The following EIF2B1 variants were observed in gnomAD, a reference collection of about 807,000 sequenced individuals.
EIF2B1 encodes translation initiation factor eIF2B subunit alpha.
In EIF2B1, 30 loss-of-function variants were observed where a neutral mutation model predicts 36.8. The observed-to-expected ratio is 0.81, with a 90% CI of 0.61 to 1.10. The LOEUF is 1.10. Among genes scored for constraint, EIF2B1 ranks in the 50% least tolerant of loss-of-function variants. EIF2B1 has a pLI of 0.00. For missense variants in EIF2B1, 271 were observed against 374.8 expected (o/e 0.72, Z 2.29); for synonymous variants, 139 against 142.2 (o/e 0.98, Z 0.16).
chr12:123,632,230 T>C (rs1364965370), intron 2 of EIF2B1, 115 bp downstream of exon 2: 2 of 763,818 alleles, frequency 2.6e-6, no homozygotes, highest in African/African-American at 3.7e-5. Context: ...ATCTCGCCAC[T>C]GCACTCCAGC....
chr12:123,627,369 G>C (rs369174914), intron 4 of EIF2B1, among the ~76,000 whole-genome samples: 1 of 152,242 alleles, frequency 6.6e-6, no homozygotes, highest in Non-Finnish European at 1.5e-5. Context: ...AGCAGGTGCA[G>C]AAATGGAACT....
chr12:123,630,312 G>T lies in EIF2B1; in HGVS notation c.253-27C>A. 1.9e-6 allele frequency: 3 copies of T among 1,613,928 alleles called. No homozygotes were observed. The highest frequency in any genetic ancestry group is 2.5e-6 in the Non-Finnish European group (3 of 1,179,810). On this transcript the variant is annotated intron_variant, in intron 3 of 8. Transcript: ENST00000424014. The surrounding 1 kb of genome is among the most constrained non-coding windows in gnomAD (Gnocchi z 4.6). ...TAGGAAGAAAAGAGCAAACTGAGGG[G>T]ACAGGGAAGATCCAGTTAATGCTGA...
intron 2 of EIF2B1, 32 bp downstream of exon 2, chr12:123,632,313 C>T (rs2135768284): frequency 7.5e-7 from 1 of 1,341,676 alleles, no homozygotes; most frequent in Non-Finnish European, 1.1e-6. Context: ...TATCCTAAGT[C>T]CCAGAGTGTT....
At position 123,630,718 on chromosome 12, in the gene EIF2B1, T is replaced by C. The variant is rs1374777391; in HGVS notation, c.116-185A>G. On this transcript the variant is annotated intron_variant, in intron 2 of 8. Transcript: ENST00000424014. The surrounding 1 kb of genome is among the most constrained non-coding windows in gnomAD (Gnocchi z 4.6). ...GGGTTCTGCTGTGATGGAGTTTTGA[T>C]TGTAATAGAGGAAGCGGATAGTAAA... is the stretch of plus-strand genomic sequence containing the variant. Among the ~76,000 whole-genome samples the C allele has an allele frequency of 2.6e-5, 4 of 152,150 alleles. No homozygotes were observed. The highest frequency in any genetic ancestry group is 9.7e-5 in the African/African-American group (4 of 41,422).
chr12:123,626,752 C>T lies in EIF2B1; in HGVS notation c.483-259G>A, dbSNP rs970532041. Reference sequence around the variant, plus strand: ...AAGGAGGAAGTTTTGCTTTGATTATCGTCTAGAGAGAGGGAGATATAAGTT... The same window carrying T: ...AAGGAGGAAGTTTTGCTTTGATTATTGTCTAGAGAGAGGGAGATATAAGTT... On this transcript the variant is annotated intron_variant, in intron 5 of 8. Transcript: ENST00000424014. The T allele has an allele frequency of 3.0e-5, 19 of 643,680 alleles. 1 individual carries two copies. The highest frequency in any genetic ancestry group is 1.3e-4 in the South Asian group (7 of 55,370). 39.9% of individuals were successfully genotyped at this position (643,680 alleles called of 1,614,324 possible).
At chr12:123,624,684 A>T in intron 7 of EIF2B1, 103 bp downstream of exon 7, 1 of 991,550 alleles carries the variant, frequency 1.0e-6, no homozygotes, top group African/African-American at 1.6e-5. Context: ...CCTGAAGTGA[A>T]GCAGGATTAG....
intron 7 of EIF2B1, among the ~76,000 whole-genome samples, chr12:123,623,252 G>T (rs1955121680): frequency 6.6e-6 from 1 of 151,854 alleles, no homozygotes; most frequent in Non-Finnish European, 1.5e-5. Context: ...ATGGTGGGAT[G>T]GGGGGTGCCT....
At chr12:123,625,622 G>C (rs1955142715) in intron 6 of EIF2B1, among the ~76,000 whole-genome samples, 1 of 152,190 alleles carries the variant, frequency 6.6e-6, no homozygotes, top group African/African-American at 2.4e-5. Context: ...CATCTATCTT[G>C]TTTTCATTCC....
In EIF2B1 at chr12:123,632,193, A is replaced by C. The variant is rs1955195993; in HGVS notation, c.115+152T>G. 4 of 624,404 alleles carry C rather than the reference A, an allele frequency of 6.4e-6. No homozygotes were observed. The South Asian group carries it at 6.9e-5, about 11-fold the overall frequency. 38.7% of individuals were successfully genotyped at this position (624,404 alleles called of 1,614,324 possible). A position where few individuals can be genotyped will look rare whatever the true frequency, so the allele number is the denominator to read the frequency against. On this transcript the variant is annotated intron_variant, in intron 2 of 8. Transcript: ENST00000424014. ...CAAGGCAGGAGAATTGCTTGAACCC[A>C]GGAGGCGGAGGTTGCAGTGAGCCAA... is the stretch of plus-strand genomic sequence containing the variant.
chr12:123,622,687 C>G lies in EIF2B1; in HGVS notation c.702G>C (p.Lys234Asn). The G allele has an allele frequency of 1.2e-6, 2 of 1,614,204 alleles. No individual in the cohort carries two copies. The highest frequency in any genetic ancestry group is 1.7e-6 in the Non-Finnish European group (2 of 1,180,018). Residue 234 changes from lysine to asparagine, a missense_variant, in exon 8 of 9, where the codon AAG becomes AAC. Transcript: ENST00000424014. ...GGTTTAGTGGAAAGAGCCGGACAAA[C>G]TTGAAACTTTCTGCAACCACATAGA... The part of the protein sequence containing the change: ...KPFYVVAESF[K>N]FVRLFPLNQQ...
Position 123,633,596 on chromosome 12 carries a change from G to A in EIF2B1, c.-39C>T. 8.7e-6 allele frequency: 14 copies of A among 1,605,246 alleles called. No homozygotes were observed. The highest frequency in any genetic ancestry group is 1.2e-5 in the Non-Finnish European group (14 of 1,179,866). ...TGCGGAGCCCCAGGGGACCCGAGCC[G>A]CCCGCGCTGTCTCGAACGGGTCCGC... On this transcript the variant is annotated 5_prime_UTR_variant, in exon 1 of 9. Coordinates refer to ENST00000424014, the MANE Select transcript of EIF2B1 (RefSeq NM_001414.4).
rs559110064 is a variant in EIF2B1, at chr12:123,626,505, A to G, written c.483-12T>C. The G allele has an allele frequency of 6.2e-7, 1 of 1,614,052 alleles. No homozygotes were observed. The highest frequency in any genetic ancestry group is 1.1e-5 in the South Asian group (1 of 91,084). On this transcript the variant is annotated splice_polypyrimidine_tract_variant and intron_variant, in intron 5 of 8. Coordinates refer to ENST00000424014, the MANE Select transcript of EIF2B1 (RefSeq NM_001414.4). ...TGGCCATTTTCTTACTGAAGATGAC[A>G]TTTTGAGAACGTTAGAGAAAGTACA...
intron 4 of EIF2B1, among the ~76,000 whole-genome samples, chr12:123,627,952 T>C (rs1228349487): frequency 1.3e-5 from 2 of 152,218 alleles, no homozygotes; most frequent in African/African-American, 2.4e-5. Context: ...AAATCCAATT[T>C]TGAAATGATG....
At chr12:123,627,630 T>C (rs1414683226) in intron 4 of EIF2B1, among the ~76,000 whole-genome samples, 1 of 152,206 alleles carries the variant, frequency 6.6e-6, no homozygotes, top group South Asian at 2.1e-4. Context: ...GAGGACTGCC[T>C]GAGCCCAGGA....
intron 6 of EIF2B1, among the ~76,000 whole-genome samples, chr12:123,625,096 C>T (rs1340088867): frequency 1.3e-5 from 2 of 152,122 alleles, no homozygotes; most frequent in Non-Finnish European, 2.9e-5. Context: ...CGCATGCACA[C>T]GTACATATGT....
intron 7 of EIF2B1, among the ~76,000 whole-genome samples, chr12:123,624,447 A>G (rs573670871): frequency 5.7e-4 from 87 of 152,096 alleles, no homozygotes; most frequent in Non-Finnish European, 4.3e-4. Context: ...TTTTGTAGAG[A>G]CAGGGTTTCA....
In EIF2B1 at chr12:123,633,445, A is replaced by T. The variant is rs1009999978; in HGVS notation, c.13+100T>A. 4.5e-6 allele frequency: 7 copies of T among 1,561,492 alleles called. No individual in the cohort carries two copies. In the African/African-American group the frequency reaches 9.5e-5, roughly 21 times the overall value. On this transcript the variant is annotated intron_variant, in intron 1 of 8. Transcript: ENST00000424014. ...CAACCAGCGGAGCAGCCTGAAATTC[A>T]AAAGAAATCTCTTCGGGAGCTCAGC... is the stretch of plus-strand genomic sequence containing the variant.
At position 123,633,600 on chromosome 12, in the gene EIF2B1, G is replaced by T; in HGVS notation, c.-43C>A. The T allele has an allele frequency of 6.2e-7, 1 of 1,604,446 alleles. No individual in the cohort carries two copies. On this transcript the variant is annotated 5_prime_UTR_variant, in exon 1 of 9. Coordinates refer to ENST00000424014, the MANE Select transcript of EIF2B1 (RefSeq NM_001414.4). ...GAGCCCCAGGGGACCCGAGCCGCCC[G>T]CGCTGTCTCGAACGGGTCCGCCGGC...
At chr12:123,629,801 T>C (rs767970212) in intron 4 of EIF2B1, among the ~76,000 whole-genome samples, 9 of 151,700 alleles carry the variant, frequency 5.9e-5, no homozygotes, top group Non-Finnish European at 1.3e-4. Flanking sequence ...TCAAAATAAA[T>C]AAATAAATAA....
Sources: allele counts gnomAD v4.1 joint callset (sites outside exome capture counted in the v4.1 genomes callset), GRCh38; gene constraint gnomAD v4.1.1; non-coding constraint Gnocchi (gnomAD v3.1); transcripts MANE v1.5; gene names NCBI Gene and HGNC (gene_info 2026-07-23, HGNC 2026-07-21).